Variants in LRRK1 observed in about 807,000 individuals in gnomAD.
LRRK1 encodes the protein leucine rich repeat kinase 1, also known as leucine-rich repeat serine/threonine-protein kinase 1.
Under a neutral mutation model 209.1 loss-of-function variants are expected in LRRK1, and 113 were observed. That is an observed-to-expected ratio of 0.54 (90% CI 0.46 to 0.63). LRRK1 has a LOEUF of 0.63. Among genes scored for constraint, LRRK1 ranks in the 30% least tolerant of loss-of-function variants. The pLI is 0.00. For missense variants in LRRK1, 2,284 were observed against 2,632.2 expected, an observed-to-expected ratio of 0.87 and a Z score of 2.89; for synonymous variants, 1,144 against 1,099.7, an observed-to-expected ratio of 1.04 and a Z score of -0.80.
chr15:101,050,392 C>CT (rs373420175), intron 23 of LRRK1, among the ~76,000 whole-genome samples: 15 of 152,324 alleles, frequency 9.8e-5, no homozygotes, highest in African/African-American at 3.6e-4. Flanking sequence ...GTGGAGACGA[C>CT]TCCCAGAGCA....
intron 2 of LRRK1, among the ~76,000 whole-genome samples, chr15:100,948,797 C>A (rs1249739622): frequency 2.0e-5 from 3 of 151,816 alleles, no homozygotes; most frequent in Non-Finnish European, 2.9e-5. Flanking sequence ...GAAGAAATCA[C>A]AAAAAAACAG....
In LRRK1 at chr15:101,069,019, G is replaced by C; in HGVS notation, c.*171G>C. Reference sequence around the variant, plus strand: ...AGTTACTCGCCTGGCGGTGGCTCCAGGGTTCTCTGGTTCTCTGGAGCAGAG... The same window carrying C: ...AGTTACTCGCCTGGCGGTGGCTCCACGGTTCTCTGGTTCTCTGGAGCAGAG... On this transcript the variant is annotated 3_prime_UTR_variant, in exon 34 of 34. Coordinates refer to ENST00000388948, the MANE Select transcript of LRRK1 (RefSeq NM_024652.6). 1 of 582,868 alleles carries C rather than the reference G, an allele frequency of 1.7e-6. No individual in the cohort carries two copies. Among genetic ancestry groups the C allele is most frequent in the Non-Finnish European group, 2.8e-6 (1 of 356,352 alleles). The allele number at this position is 582,868 out of a possible 1,614,324, so 36.1% of individuals were successfully genotyped here. A position where few individuals can be genotyped will look rare whatever the true frequency, so the allele number is the denominator to read the frequency against.
At chr15:101,015,223 T>G in intron 11 of LRRK1, 103 bp from the exon 12 acceptor site, 1 of 889,566 alleles carries the variant, frequency 1.1e-6, no homozygotes, top group Non-Finnish European at 1.8e-6. Context: ...GAGTTGCACA[T>G]GAATTGCTCC....
At chr15:101,001,926 A>G (rs1175441420) in intron 6 of LRRK1, among the ~76,000 whole-genome samples, 1 of 152,126 alleles carries the variant, frequency 6.6e-6, no homozygotes, top group Non-Finnish European at 1.5e-5. Context: ...TAACATTACA[A>G]CGTCACTCCG....
At chr15:101,045,101 G>C (rs185710550) in intron 20 of LRRK1, among the ~76,000 whole-genome samples, 1 of 152,148 alleles carries the variant, frequency 6.6e-6, no homozygotes, top group African/African-American at 2.4e-5. Flanking sequence ...GAGCGTGTAA[G>C]TGAGAGCCGA....
chr15:100,925,996 G>T (rs975131862), intron 2 of LRRK1, among the ~76,000 whole-genome samples: 1 of 152,212 alleles, frequency 6.6e-6, no homozygotes, highest in African/African-American at 2.4e-5. Flanking sequence ...ACTGTACCTG[G>T]CTTGGCAGAC....
chr15:100,946,199 C>T (rs1336077979), intron 2 of LRRK1, among the ~76,000 whole-genome samples: 2 of 151,764 alleles, frequency 1.3e-5, no homozygotes, highest in African/African-American at 4.8e-5. Context: ...AATGCATTCT[C>T]AATTAGAATA....
intron 13 of LRRK1, among the ~76,000 whole-genome samples, chr15:101,021,520 TATATTA>T (rs897937657): frequency 2.0e-5 from 3 of 152,174 alleles, no homozygotes; most frequent in African/African-American, 7.2e-5. Context: ...TGTAAAATGT[TATATTA>T]ATATTAAAGG....
chr15:101,074,666 T>C lies in LRRK1; in HGVS notation c.*5818T>C, dbSNP rs2036919239. ...GATTTAATTAACCTTGCCTTCAAGG[T>C]GTACAATAATAGAAAAAAGTTGCAA... is the stretch of plus-strand genomic sequence containing the variant. On this transcript the variant is annotated 3_prime_UTR_variant, in exon 34 of 34. Coordinates refer to ENST00000388948, the MANE Select transcript of LRRK1 (RefSeq NM_024652.6). The C allele has an allele frequency of 6.6e-6, 1 of 152,022 alleles. No individual in the cohort carries two copies. The highest frequency in any genetic ancestry group is 2.1e-4 in the South Asian group (1 of 4,808). The allele number at this position is 152,022 out of a possible 1,614,324, so 9.4% of individuals were successfully genotyped here.
At chr15:101,001,998 G>A (rs1045952244) in intron 6 of LRRK1, among the ~76,000 whole-genome samples, 1 of 152,200 alleles carries the variant, frequency 6.6e-6, no homozygotes, top group African/African-American at 2.4e-5. Context: ...TATGTCACAG[G>A]GGCCAGGAAT....
At chr15:101,054,468 C>G (rs1472356656) in intron 26 of LRRK1, among the ~76,000 whole-genome samples, 1 of 152,204 alleles carries the variant, frequency 6.6e-6, no homozygotes, top group South Asian at 2.1e-4. Flanking sequence ...ATTCTCTGTC[C>G]TTTATGGCAG....
rs1455253840 is a variant in LRRK1, at chr15:100,925,665, G to C, written c.97+936G>C. ...AGGATATCATCGTTTACAAATATTTGTCAATCCCTTAGTATGTACCAGGCA... is the reference window on the plus strand; with the variant it reads ...AGGATATCATCGTTTACAAATATTTCTCAATCCCTTAGTATGTACCAGGCA... On this transcript the variant is annotated intron_variant, in intron 2 of 33. Transcript: ENST00000388948. Among the ~76,000 whole-genome samples the C allele has an allele frequency of 4.6e-5, 7 of 152,308 alleles. No individual in the cohort carries two copies. The East Asian group carries it at 1.2e-3, about 25-fold the overall frequency.
At chr15:101,010,600 GT>G in intron 8 of LRRK1, 23 bp downstream of exon 8, 1 of 1,606,474 alleles carries the variant, frequency 6.2e-7, no homozygotes, top group Non-Finnish European at 8.5e-7. Flanking sequence ...ATCAACTTGA[GT>G]GAATTAGTCA....
At chr15:100,923,008 C>T (rs965097661) in intron 1 of LRRK1, among the ~76,000 whole-genome samples, 11 of 152,188 alleles carry the variant, frequency 7.2e-5, no homozygotes, top group African/African-American at 2.2e-4. Flanking sequence ...CTACTGCTCA[C>T]GGCATCTTCT....
chr15:101,062,413 A>G, intron 30 of LRRK1, 161 bp from the exon 31 acceptor site: 2 of 596,622 alleles, frequency 3.4e-6, no homozygotes. Flanking sequence ...TTCTACAAAG[A>G]GCAGAAATCC....
At chr15:101,045,699 T>G (rs879308450) in intron 20 of LRRK1, among the ~76,000 whole-genome samples, 2 of 152,248 alleles carry the variant, frequency 1.3e-5, no homozygotes, top group Non-Finnish European at 2.9e-5. Context: ...AGGACCATGA[T>G]GTTTTCATGT....
intron 2 of LRRK1, among the ~76,000 whole-genome samples, chr15:100,959,360 A>C (rs919850962): frequency 1.2e-4 from 18 of 152,212 alleles, no homozygotes; most frequent in African/African-American, 4.3e-4. Context: ...AGGCTGGCAG[A>C]CCTACTCTGC....
Position 101,027,573 on chromosome 15 carries a change from T to A in LRRK1, c.2527-65T>A. ...CTCAGGCCACAGGGGCCGGGCAGGATCTGCCCAAGCTGGCAGGTGTGCCTT... is the reference window on the plus strand; with the variant it reads ...CTCAGGCCACAGGGGCCGGGCAGGAACTGCCCAAGCTGGCAGGTGTGCCTT... On this transcript the variant is annotated intron_variant, in intron 18 of 33. Coordinates refer to ENST00000388948, the MANE Select transcript of LRRK1 (RefSeq NM_024652.6). The surrounding 1 kb of genome is among the most constrained non-coding windows in gnomAD (Gnocchi z 5.1). 1 of 1,574,348 alleles carries A rather than the reference T, an allele frequency of 6.4e-7. No individual in the cohort carries two copies.
chr15:100,995,246 C>A (rs916925378), intron 6 of LRRK1, among the ~76,000 whole-genome samples: 1 of 152,166 alleles, frequency 6.6e-6, no homozygotes, highest in African/African-American at 2.4e-5. Context: ...GTAATTGCTG[C>A]GTGTGTGGAA....
Sources: allele counts gnomAD v4.1 joint callset (sites outside exome capture counted in the v4.1 genomes callset), GRCh38; gene constraint gnomAD v4.1.1; non-coding constraint Gnocchi (gnomAD v3.1); transcripts MANE v1.5; gene names NCBI Gene and HGNC (gene_info 2026-07-23, HGNC 2026-07-21).